The following MCTP1 variants were observed in gnomAD, a reference collection of about 807,000 sequenced individuals.
The protein encoded by MCTP1 is multiple C2 and transmembrane domain-containing protein 1.
A neutral mutation model predicts 120.6 loss-of-function variants in MCTP1; 69 were observed. That is an observed-to-expected ratio of 0.57 (90% CI 0.47 to 0.70). The LOEUF is 0.70. Ranked by LOEUF, MCTP1 falls within the 30% of genes least tolerant of loss-of-function variation. The pLI, the probability that MCTP1 is intolerant of heterozygous loss-of-function variation, is 0.00. For missense variants in MCTP1, 1,203 were observed against 1,248.8 expected (o/e 0.96, Z 0.55); for synonymous variants, 529 against 493.1 (o/e 1.07, Z -0.96).
At chr5:95,081,102 A>G (rs1754817120) in intron 1 of MCTP1, among the ~76,000 whole-genome samples, 1 of 152,170 alleles carries the variant, frequency 6.6e-6, no homozygotes, top group East Asian at 1.9e-4. Context: ...AATATAAGAA[A>G]CTAAGAACCT....
At chr5:95,275,292 A>C (rs1476799612) in intron 1 of MCTP1, among the ~76,000 whole-genome samples, 2 of 152,270 alleles carry the variant, frequency 1.3e-5, no homozygotes, top group Non-Finnish European at 2.9e-5. Flanking sequence ...AAGACTTCAC[A>C]CAAAAATCTG....
intron 17 of MCTP1, among the ~76,000 whole-genome samples, chr5:94,834,123 A>G (rs1236275473): frequency 6.6e-6 from 1 of 152,224 alleles, no homozygotes; most frequent in Non-Finnish European, 1.5e-5. Context: ...AGACTTGGAC[A>G]TTATGGTGAA....
At chr5:94,720,719 A>G (rs1275286324) in intron 19 of MCTP1, among the ~76,000 whole-genome samples, 7 of 152,188 alleles carry the variant, frequency 4.6e-5, no homozygotes, top group African/African-American at 2.4e-5. Flanking sequence ...TAATAAGAAT[A>G]TTTCCCCAAT....
At chr5:94,769,493 A>G (rs1773577147) in intron 19 of MCTP1, among the ~76,000 whole-genome samples, 1 of 141,044 alleles carries the variant, frequency 7.1e-6, no homozygotes, top group Non-Finnish European at 1.6e-5. Flanking sequence ...ATATATCAAT[A>G]AAAAATTGAA....
At chr5:95,194,796 A>G (rs1750198361) in intron 1 of MCTP1, among the ~76,000 whole-genome samples, 2 of 152,200 alleles carry the variant, frequency 1.3e-5, no homozygotes, top group Admixed American at 1.3e-4. Context: ...TAAGTGGATG[A>G]CATACAATGG....
chr5:94,842,860 A>G (rs545382791), intron 17 of MCTP1, among the ~76,000 whole-genome samples: 1 of 152,260 alleles, frequency 6.6e-6, no homozygotes, highest in African/African-American at 2.4e-5. Flanking sequence ...GCTGCAATTG[A>G]TTTTTTGCCC....
At chr5:95,220,074 G>A (rs1753510327) in intron 1 of MCTP1, among the ~76,000 whole-genome samples, 1 of 152,150 alleles carries the variant, frequency 6.6e-6, no homozygotes, top group South Asian at 2.1e-4. Flanking sequence ...AGTATTAGTT[G>A]CTAATAGATG....
At chr5:94,911,282 T>C (rs1808497410) in intron 9 of MCTP1, among the ~76,000 whole-genome samples, 1 of 152,190 alleles carries the variant, frequency 6.6e-6, no homozygotes, top group Admixed American at 6.5e-5. Context: ...GAATAACATC[T>C]GTAAAAACTG....
At chr5:95,082,634 G>A (rs191629267) in intron 1 of MCTP1, among the ~76,000 whole-genome samples, 11 of 152,148 alleles carry the variant, frequency 7.2e-5, no homozygotes, top group African/African-American at 2.4e-4. Flanking sequence ...TTTAGTAATG[G>A]TTACCCTAGT....
chr5:95,136,673 A>T (rs1175306010), intron 1 of MCTP1, among the ~76,000 whole-genome samples: 1 of 152,224 alleles, frequency 6.6e-6, no homozygotes, highest in African/African-American at 2.4e-5. Context: ...AATCTTTACA[A>T]TAATTTTATA....
At chr5:94,806,665 T>A (rs1316454680) in intron 17 of MCTP1, among the ~76,000 whole-genome samples, 1 of 152,224 alleles carries the variant, frequency 6.6e-6, no homozygotes, top group Non-Finnish European at 1.5e-5. Flanking sequence ...GTTGGAATAT[T>A]GAATATCCTA....
chr5:94,915,340 C>T (rs1239742207), intron 8 of MCTP1, among the ~76,000 whole-genome samples: 1 of 152,146 alleles, frequency 6.6e-6, no homozygotes, highest in Non-Finnish European at 1.5e-5. Context: ...GGTGGAGATT[C>T]TCTCATAGGT....
At position 95,067,554 on chromosome 5, in the gene MCTP1, T is replaced by G. The variant is rs948665190; in HGVS notation, c.721-50070A>C. Among the ~76,000 whole-genome samples the G allele has an allele frequency of 1.1e-4, 16 of 152,052 alleles. 1 individual carries two copies. Among genetic ancestry groups the G allele is most frequent in the Non-Finnish European group, 2.9e-5 (2 of 67,998 alleles). ...AAAAGAATAAATAGAAAAATACAAT[T>G]TCTAAACAGAAATAAACTAAGATAC... On this transcript the variant is annotated intron_variant, in intron 1 of 22. Transcript: ENST00000515393.
At chr5:94,836,676 A>G (rs1789861938) in intron 17 of MCTP1, among the ~76,000 whole-genome samples, 1 of 152,226 alleles carries the variant, frequency 6.6e-6, no homozygotes, top group Admixed American at 6.5e-5. Flanking sequence ...CTGATTGCCC[A>G]TAGTTTTGTC....
intron 1 of MCTP1, among the ~76,000 whole-genome samples, chr5:95,223,620 A>G (rs1753931573): frequency 6.6e-6 from 1 of 152,222 alleles, no homozygotes; most frequent in South Asian, 2.1e-4. Flanking sequence ...TTATTTAATT[A>G]CTAACAATAA....
At chr5:95,100,174 G>A (rs1226068538) in intron 1 of MCTP1, among the ~76,000 whole-genome samples, 1 of 151,608 alleles carries the variant, frequency 6.6e-6, no homozygotes, top group Non-Finnish European at 1.5e-5. Context: ...CCTAATGCTA[G>A]ATGACGAGTT....
intron 1 of MCTP1, among the ~76,000 whole-genome samples, chr5:95,167,249 T>C (rs1375012653): frequency 3.3e-5 from 5 of 152,244 alleles, no homozygotes; most frequent in African/African-American, 1.2e-4. Flanking sequence ...CATCATTTTT[T>C]ATGGCTGCAT....
At chr5:94,708,240 A>C in intron 22 of MCTP1, 1 of 248,656 alleles carries the variant, frequency 4.0e-6, no homozygotes, top group Non-Finnish European at 7.7e-6. Context: ...ACTCCCTGTC[A>C]CAAACTCCAG....
chr5:95,254,085 C>T (rs1353266606), intron 1 of MCTP1, among the ~76,000 whole-genome samples: 1 of 152,122 alleles, frequency 6.6e-6, no homozygotes, highest in Non-Finnish European at 1.5e-5. Flanking sequence ...TCATAATGAA[C>T]TAACAGAGCT....
Sources: allele counts gnomAD v4.1 joint callset (sites outside exome capture counted in the v4.1 genomes callset), GRCh38; gene constraint gnomAD v4.1.1; transcripts MANE v1.5; gene names NCBI Gene and HGNC (gene_info 2026-07-23, HGNC 2026-07-21).